Variants in ITGA8 observed in about 807,000 individuals in gnomAD.
ITGA8 encodes the protein integrin alpha-8.
In ITGA8, 91 loss-of-function variants were observed where a neutral mutation model predicts 142.3. The ratio of observed to expected loss-of-function variants is 0.64; its 90% CI spans 0.54 to 0.76. The LOEUF (loss-of-function observed/expected upper bound fraction) is 0.76, where lower values mean the gene tolerates loss of function less well. Among genes scored for constraint, ITGA8 ranks in the 30% least tolerant of loss-of-function variants. The pLI, the probability that ITGA8 is intolerant of heterozygous loss-of-function variation, is 0.00. For synonymous variants in ITGA8, 505 were observed against 485.2 expected (o/e 1.04, Z -0.54); for missense variants, 1,406 against 1,327.7 (o/e 1.06, Z -0.92).
intron 23 of ITGA8, among the ~76,000 whole-genome samples, chr10:15,578,572 A>C (rs1340814644): frequency 6.6e-6 from 1 of 152,136 alleles, no homozygotes; most frequent in African/African-American, 2.4e-5. Flanking sequence ...AGGAAATTCA[A>C]ATCTGAGGAT....
intron 10 of ITGA8, among the ~76,000 whole-genome samples, chr10:15,657,780 C>T (rs1243456488): frequency 6.6e-6 from 1 of 152,122 alleles, no homozygotes; most frequent in East Asian, 1.9e-4. Flanking sequence ...ACTTCCACAG[C>T]TTTGTTCATA....
intron 27 of ITGA8, among the ~76,000 whole-genome samples, chr10:15,535,252 C>T (rs1005473055): frequency 1.3e-5 from 2 of 152,146 alleles, no homozygotes; most frequent in Admixed American, 6.5e-5. Flanking sequence ...GCCCGAGCCT[C>T]CCTGACGCGC....
Position 15,698,866 on chromosome 10 carries a change from G to T in ITGA8, c.344-10828C>A, listed in dbSNP as rs1248579054. 2.0e-5 allele frequency among the ~76,000 whole-genome samples: 3 copies of T among 152,270 alleles called. No homozygotes were observed. In the East Asian group the frequency reaches 5.8e-4, roughly 29 times the overall value. On this transcript the variant is annotated intron_variant, in intron 2 of 29. Coordinates refer to ENST00000378076, the MANE Select transcript of ITGA8 (RefSeq NM_003638.3). Reference sequence around the variant, plus strand: ...TGTTCTCCCGCTCTGTGGGTTTTCTGTTAACTCTGGCAATTATTTATTTTG... The same window carrying T: ...TGTTCTCCCGCTCTGTGGGTTTTCTTTTAACTCTGGCAATTATTTATTTTG...
At chr10:15,519,241 C>T (rs1451043868) in intron 29 of ITGA8, 49 bp downstream of exon 29, 1 of 1,603,438 alleles carries the variant, frequency 6.2e-7, no homozygotes, top group Non-Finnish European at 8.5e-7. Flanking sequence ...CTCTAAATTC[C>T]CTCAACAGCC....
At chr10:15,600,631 A>G (rs144513446) in intron 20 of ITGA8, among the ~76,000 whole-genome samples, 1 of 152,318 alleles carries the variant, frequency 6.6e-6, no homozygotes, top group African/African-American at 2.4e-5. Flanking sequence ...CTTATCCTCA[A>G]CGCAATGGGG....
chr10:15,549,199 CTGTTTTTTTTTTTTTT>C lies in ITGA8; in HGVS notation c.2767-647_2767-632del, dbSNP rs1307107836. Among the ~76,000 whole-genome samples, 15 of 48,848 alleles carry C rather than the reference CTGTTTTTTTTTTTTTT, an allele frequency of 3.1e-4. 1 individual carries two copies. The highest frequency in any genetic ancestry group is 3.7e-5 in the Non-Finnish European group (1 of 26,972). The allele number at this position is 48,848 out of a possible 152,430, so 32.0% of individuals were successfully genotyped here. On this transcript the variant is annotated intron_variant, in intron 26 of 29. Coordinates refer to ENST00000378076, the MANE Select transcript of ITGA8 (RefSeq NM_003638.3). ...TTTTCTTTCTTTTTTCTTTTCTTTT[CTGTTTTTTTTTTTTTT>C]TTTTTTTTTTTTGAGACAGAGTTTT...
At chr10:15,704,208 T>G (rs1181255498) in intron 2 of ITGA8, among the ~76,000 whole-genome samples, 1 of 152,214 alleles carries the variant, frequency 6.6e-6, no homozygotes, top group Admixed American at 6.5e-5. Context: ...TGGTCAACAT[T>G]TTCTTTAGCC....
intron 8 of ITGA8, among the ~76,000 whole-genome samples, chr10:15,666,808 G>GTTT (rs1414858210): frequency 1.3e-5 from 2 of 152,192 alleles, no homozygotes; most frequent in Non-Finnish European, 2.9e-5. Context: ...CTGTTTATAT[G>GTTT]TTGGATTACA....
intron 28 of ITGA8, among the ~76,000 whole-genome samples, chr10:15,520,567 C>T (rs1833044045): frequency 6.6e-6 from 1 of 152,224 alleles, no homozygotes; most frequent in Non-Finnish European, 1.5e-5. Flanking sequence ...CCTATGTGGG[C>T]AGAAGCACTT....
At chr10:15,626,440 C>T (rs1224398675) in intron 13 of ITGA8, among the ~76,000 whole-genome samples, 5 of 152,076 alleles carry the variant, frequency 3.3e-5, no homozygotes, top group Non-Finnish European at 7.4e-5. Context: ...AGGCTTGTCT[C>T]GAACTCCTGA....
At chr10:15,630,663 T>C (rs898276375) in intron 13 of ITGA8, among the ~76,000 whole-genome samples, 8 of 151,936 alleles carry the variant, frequency 5.3e-5, no homozygotes, top group Non-Finnish European at 1.2e-4. Context: ...GCAGAAGGGA[T>C]GCATCAGGTG....
chr10:15,616,786 C>G (rs140166888), intron 13 of ITGA8, among the ~76,000 whole-genome samples: 1 of 152,196 alleles, frequency 6.6e-6, no homozygotes, highest in African/African-American at 2.4e-5. Context: ...CCCTTCTGTG[C>G]TTAGGAAGGT....
intron 23 of ITGA8, among the ~76,000 whole-genome samples, chr10:15,582,102 G>A (rs1477930320): frequency 6.6e-6 from 1 of 152,170 alleles, no homozygotes; most frequent in African/African-American, 2.4e-5. Flanking sequence ...AACTCAGCAT[G>A]GTGGCGCATG....
intron 24 of ITGA8, among the ~76,000 whole-genome samples, chr10:15,574,373 C>A (rs1431788554): frequency 1.3e-5 from 2 of 152,230 alleles, no homozygotes; most frequent in South Asian, 4.2e-4. Flanking sequence ...TACCATCTAC[C>A]CATCTCATAT....
intron 25 of ITGA8, among the ~76,000 whole-genome samples, chr10:15,563,829 G>A (rs1184224882): frequency 1.3e-5 from 2 of 152,048 alleles, no homozygotes; most frequent in African/African-American, 4.8e-5. Context: ...AGGCAGGAGA[G>A]GTGCTTGAAC....
chr10:15,645,689 T>C (rs146954307), intron 12 of ITGA8, among the ~76,000 whole-genome samples: 77 of 152,344 alleles, frequency 5.1e-4, no homozygotes, highest in African/African-American at 1.8e-3. Context: ...AAGGCTACTT[T>C]GTTACAGCAA....
chr10:15,535,828 G>C (rs910076298), intron 27 of ITGA8, among the ~76,000 whole-genome samples: 2 of 152,092 alleles, frequency 1.3e-5, no homozygotes, highest in Admixed American at 1.3e-4. Context: ...TTCTTTTGCT[G>C]TTTGCAATAA....
At chr10:15,687,037 T>C (rs1422258737) in intron 3 of ITGA8, among the ~76,000 whole-genome samples, 1 of 152,184 alleles carries the variant, frequency 6.6e-6, no homozygotes, top group Non-Finnish European at 1.5e-5. Flanking sequence ...AATTCTGGAA[T>C]GTGAAAATTA....
At chr10:15,588,638 C>T (rs1459840327) in intron 22 of ITGA8, among the ~76,000 whole-genome samples, 1 of 152,200 alleles carries the variant, frequency 6.6e-6, no homozygotes, top group Non-Finnish European at 1.5e-5. Context: ...TAGTTCACTA[C>T]TGCTTGGCAG....
Sources: gnomAD v4.1 joint callset for allele counts (sites outside exome capture counted in the v4.1 genomes callset) on GRCh38, gnomAD v4.1.1 for gene constraint, MANE v1.5 for transcripts, NCBI Gene and HGNC (gene_info 2026-07-23, HGNC 2026-07-21) for gene names.